The following ADORA2B variants were observed in gnomAD, a reference collection of about 807,000 sequenced individuals.
ADORA2B encodes adenosine A2b receptor, also known as adenosine receptor A2b.
ADORA2B carries 18 observed loss-of-function variants against 20.8 expected under a neutral mutation model. The ratio of observed to expected loss-of-function variants is 0.87; its 90% confidence interval spans 0.60 to 1.29. ADORA2B has a LOEUF of 1.29. ADORA2B is among the 50% of genes most tolerant of loss of function. The pLI is 0.00. For missense variants in ADORA2B, 441 were observed against 422.7 expected (o/e 1.04, Z -0.38); for synonymous variants, 179 against 178.3 (o/e 1.00, Z -0.03).
chr17:15,873,935 CACAT>C, the ADORA2B span, among the ~76,000 whole-genome samples: 1 of 152,002 alleles, frequency 6.6e-6, no homozygotes, highest in African/African-American at 2.4e-5. Context: ...GGAAAAGACA[CACAT>C]GCATGTTTAT....
chr17:15,896,227 G>C, the ADORA2B span, among the ~76,000 whole-genome samples: 1 of 152,088 alleles, frequency 6.6e-6, no homozygotes, highest in Non-Finnish European at 1.5e-5. Flanking sequence ...TTATCTACTC[G>C]AGCTAGTCAG....
chr17:15,931,850 G>A, the ADORA2B span, among the ~76,000 whole-genome samples: 2 of 152,018 alleles, frequency 1.3e-5, no homozygotes, highest in East Asian at 3.9e-4. Context: ...TCGTGCCTCA[G>A]CCTCCCGAGT....
the ADORA2B span, among the ~76,000 whole-genome samples, chr17:15,932,490 C>CAA: frequency 6.0e-4 from 46 of 76,338 alleles, no homozygotes; most frequent in South Asian, 4.1e-4. Flanking sequence ...AAGACTCTCT[C>CAA]AAAAAAAAAA....
the ADORA2B span, among the ~76,000 whole-genome samples, chr17:15,857,220 A>AG: frequency 1.4e-4 from 21 of 152,202 alleles, no homozygotes; most frequent in Non-Finnish European, 2.2e-4. Context: ...GTGGGTACAC[A>AG]GAAGTCAAGA....
the ADORA2B span, among the ~76,000 whole-genome samples, chr17:15,873,312 C>G: frequency 6.6e-6 from 1 of 152,092 alleles, no homozygotes; most frequent in Non-Finnish European, 1.5e-5. Context: ...ATTTGGAAAA[C>G]TCTTCTAGAC....
chr17:15,967,757 G>A (rs11871230), intron 1 of ADORA2B, among the ~76,000 whole-genome samples: 18,050 of 152,170 alleles, frequency 0.12, 2,044 homozygotes, highest in African/African-American at 0.3. Context: ...CCCTCCTTGG[G>A]TGCACCATCC....
chr17:15,974,883 C>T lies in ADORA2B; in HGVS notation c.540C>T (p.Ser180=). Residue 180 remains serine (S), a synonymous_variant, in exon 2 of 2, where the codon AGC becomes AGT. Transcript: ENST00000304222. ...KCLFENVVPM[S]YMVYFNFFGC... is the part of the protein sequence containing the mutation. ...TCTTTGAGAATGTGGTCCCCATGAG[C>T]TACATGGTATATTTCAATTTCTTTG... The T allele has an allele frequency of 6.2e-7, 1 of 1,614,174 alleles. No homozygotes were observed. Among genetic ancestry groups the T allele is most frequent in the Non-Finnish European group, 8.5e-7 (1 of 1,180,038 alleles).
chr17:15,906,323 T>A, the ADORA2B span, among the ~76,000 whole-genome samples: 1 of 152,234 alleles, frequency 6.6e-6, no homozygotes, highest in African/African-American at 2.4e-5. Context: ...ACTGTCGTAG[T>A]TGTTGAATTT....
intron 1 of ADORA2B, among the ~76,000 whole-genome samples, chr17:15,948,575 A>AT (rs1969849152): frequency 6.6e-6 from 1 of 151,982 alleles, no homozygotes; most frequent in Admixed American, 6.6e-5. Flanking sequence ...TGTTCCTTTC[A>AT]TGCCACACCC....
chr17:15,867,418 G>C, the ADORA2B span, among the ~76,000 whole-genome samples: 1 of 151,364 alleles, frequency 6.6e-6, no homozygotes, highest in Non-Finnish European at 1.5e-5. Flanking sequence ...GATGTGAGGA[G>C]TGTCTCTGCC....
chr17:15,884,369 T>C, the ADORA2B span, among the ~76,000 whole-genome samples: 1 of 150,992 alleles, frequency 6.6e-6, no homozygotes, highest in Middle Eastern at 3.4e-3. Context: ...GACTAAGAAA[T>C]TGAATTTTAA....
chr17:15,962,341 A>G (rs889558520), intron 1 of ADORA2B, among the ~76,000 whole-genome samples: 1 of 152,070 alleles, frequency 6.6e-6, no homozygotes, highest in African/African-American at 2.4e-5. Flanking sequence ...ACAAAACAAA[A>G]CAAAACAAAA....
chr17:15,868,016 G>C, the ADORA2B span, among the ~76,000 whole-genome samples: 1 of 149,426 alleles, frequency 6.7e-6, no homozygotes, highest in African/African-American at 2.5e-5. Flanking sequence ...TTTTCATTTT[G>C]TTCTGTACTA....
At chr17:15,878,878 G>A in the ADORA2B span, among the ~76,000 whole-genome samples, 14,101 of 151,934 alleles carry the variant, frequency 0.093, 1,871 homozygotes, top group African/African-American at 0.29. Flanking sequence ...GTAATTAATA[G>A]CATAAATAGA....
At chr17:15,945,622 G>T in intron 1 of ADORA2B, 39 bp downstream of exon 1, 1 of 1,437,500 alleles carries the variant, frequency 7.0e-7, no homozygotes. Context: ...GGGCCCCGTC[G>T]GAGCTCCGAA....
chr17:15,880,729 C>T, the ADORA2B span, among the ~76,000 whole-genome samples: 2 of 152,182 alleles, frequency 1.3e-5, no homozygotes, highest in African/African-American at 4.8e-5. Context: ...TAGTCACCAG[C>T]ACGCATGGGA....
chr17:15,922,040 GT>G, the ADORA2B span, among the ~76,000 whole-genome samples: 1 of 152,132 alleles, frequency 6.6e-6, no homozygotes, highest in East Asian at 1.9e-4. Flanking sequence ...TTAGAAGTCT[GT>G]GACAGTTTAT....
chr17:15,871,228 C>G, the ADORA2B span, among the ~76,000 whole-genome samples: 1 of 152,098 alleles, frequency 6.6e-6, no homozygotes, highest in African/African-American at 2.4e-5. Flanking sequence ...AGAGACCTGT[C>G]AGATTGTTCG....
At chr17:15,920,904 G>C in the ADORA2B span, among the ~76,000 whole-genome samples, 1 of 152,188 alleles carries the variant, frequency 6.6e-6, no homozygotes, top group African/African-American at 2.4e-5. Flanking sequence ...TTGCACAACT[G>C]TAGGCATCTG....
Sources: allele counts gnomAD v4.1 joint callset (sites outside exome capture counted in the v4.1 genomes callset), GRCh38; gene constraint gnomAD v4.1.1; transcripts MANE v1.5; gene names NCBI Gene and HGNC (gene_info 2026-07-23, HGNC 2026-07-21).